CNTN5: variants seen among roughly 807,000 people sequenced by gnomAD.
The protein encoded by CNTN5 is contactin-5.
Under a neutral mutation model 129.1 loss-of-function variants are expected in CNTN5, and 77 were observed. That is an observed-to-expected ratio of 0.60 (90% confidence interval 0.50 to 0.72). The LOEUF is 0.72. CNTN5 is among the 30% of genes least tolerant of loss of function. The pLI is 0.00. For synonymous variants in CNTN5, 509 were observed against 465.6 expected (o/e 1.09, Z -1.20); for missense variants, 1,478 against 1,328.8 (o/e 1.11, Z -1.75).
In CNTN5 at chr11:99,846,183, A is replaced by G. The variant is rs537138049; in HGVS notation, c.577+921A>G. Among the ~76,000 whole-genome samples, 14 of 148,138 alleles carry G rather than the reference A, an allele frequency of 9.5e-5. No homozygotes were observed. In the South Asian group the frequency reaches 2.8e-3, roughly 30 times the overall value. On this transcript the variant is annotated intron_variant, in intron 6 of 24. Transcript: ENST00000524871. ...ACACGAATATAAACATTTCTAAAGT[A>G]GATAATACACCTGATTAAATGAAAA... is the stretch of plus-strand genomic sequence containing the variant.
chr11:100,184,125 T>C (rs527465894), intron 13 of CNTN5, among the ~76,000 whole-genome samples: 27 of 152,316 alleles, frequency 1.8e-4, no homozygotes, highest in Non-Finnish European at 3.5e-4. Context: ...CTGTGTTATT[T>C]CCTGGCACTC....
intron 1 of CNTN5, among the ~76,000 whole-genome samples, chr11:99,093,789 T>C (rs1866353041): frequency 6.6e-6 from 1 of 151,774 alleles, no homozygotes; most frequent in South Asian, 2.1e-4. Flanking sequence ...ATGAGGCGAG[T>C]TAGGGAAATG....
chr11:100,158,451 A>T (rs1335550832), intron 13 of CNTN5, among the ~76,000 whole-genome samples: 3 of 151,892 alleles, frequency 2.0e-5, no homozygotes, highest in African/African-American at 7.2e-5. Flanking sequence ...ATATATCAAA[A>T]CTTCATGTTG....
At chr11:99,485,368 A>G (rs1043413510) in intron 2 of CNTN5, among the ~76,000 whole-genome samples, 2 of 152,050 alleles carry the variant, frequency 1.3e-5, no homozygotes, top group African/African-American at 4.8e-5. Flanking sequence ...ATGTGTCATT[A>G]TATATTTTTC....
chr11:99,201,359 C>CTTCCTTCT (rs1859187117), intron 1 of CNTN5, among the ~76,000 whole-genome samples: 1 of 144,056 alleles, frequency 6.9e-6, no homozygotes, highest in African/African-American at 2.6e-5. Context: ...CCTTTCCTTC[C>CTTCCTTCT]TTCCTTCCTT....
intron 3 of CNTN5, among the ~76,000 whole-genome samples, chr11:99,641,474 G>A (rs1951768084): frequency 6.6e-6 from 1 of 152,142 alleles, no homozygotes; most frequent in Non-Finnish European, 1.5e-5. Context: ...TGGGACTGAA[G>A]ACAGAGGGAT....
intron 9 of CNTN5, among the ~76,000 whole-genome samples, chr11:100,036,532 G>A (rs1942021314): frequency 6.8e-6 from 1 of 146,084 alleles, no homozygotes; most frequent in Non-Finnish European, 1.5e-5. Flanking sequence ...GATGGGGATG[G>A]CATTGAATCT....
At chr11:99,143,537 T>TC (rs11392502) in intron 1 of CNTN5, among the ~76,000 whole-genome samples, 151,897 of 151,900 alleles carry the variant, frequency 1, 75,947 homozygotes, top group Non-Finnish European at 1. Context: ...TTTCTTTCTC[T>TC]CCTGGCTCCC....
intron 3 of CNTN5, among the ~76,000 whole-genome samples, chr11:99,597,099 T>A (rs559911167): frequency 2.0e-5 from 3 of 152,154 alleles, no homozygotes; most frequent in Non-Finnish European, 4.4e-5. Flanking sequence ...AGTTAGGAAA[T>A]GGTTTCTGAT....
intron 3 of CNTN5, among the ~76,000 whole-genome samples, chr11:99,721,381 G>A (rs1018787053): frequency 6.6e-6 from 1 of 152,078 alleles, no homozygotes; most frequent in Admixed American, 6.6e-5. Context: ...AAGCAATGGG[G>A]AAAAGACCCC....
At chr11:100,268,624 C>T (rs1188471809) in intron 17 of CNTN5, among the ~76,000 whole-genome samples, 2 of 152,084 alleles carry the variant, frequency 1.3e-5, no homozygotes, top group Non-Finnish European at 2.9e-5. Flanking sequence ...TTGACAATAG[C>T]AGTTTTTATG....
At chr11:99,998,034 C>G (rs1565771734) in intron 8 of CNTN5, among the ~76,000 whole-genome samples, 2 of 152,094 alleles carry the variant, frequency 1.3e-5, no homozygotes, top group Non-Finnish European at 2.9e-5. Context: ...TATGACAAAC[C>G]CACAGCCAAT....
In CNTN5 at chr11:100,224,715, G is replaced by A; in HGVS notation, c.1908G>A (p.Met636Ile). 6.2e-7 allele frequency: 1 copy of A among 1,612,134 alleles called. No homozygotes were observed. Among genetic ancestry groups the A allele is most frequent in the Non-Finnish European group, 8.5e-7 (1 of 1,178,542 alleles). The change falls in exon 16 of 25, where the codon ATG (methionine) becomes ATA (isoleucine). Residue 636 changes from methionine to isoleucine, a missense_variant. By Grantham distance (10) the Met-to-Ile change is conservative. Coordinates refer to ENST00000524871, the MANE Select transcript of CNTN5 (RefSeq NM_014361.4). ...IRAQASSADL[M>I]IRNILLMHAG... ...AGCAAGCATCCTCTGCAGATTTAATGATCAGGAACATCCTTCTGATGCATG... is the reference window on the plus strand; with the variant it reads ...AGCAAGCATCCTCTGCAGATTTAATAATCAGGAACATCCTTCTGATGCATG...
intron 13 of CNTN5, among the ~76,000 whole-genome samples, chr11:100,168,914 G>GA (rs1353574120): frequency 3.3e-5 from 5 of 151,166 alleles, no homozygotes; most frequent in African/African-American, 1.2e-4. Flanking sequence ...GGAGTTGGAA[G>GA]AATTTGATTC....
At chr11:100,001,023 G>T (rs955164746) in intron 8 of CNTN5, among the ~76,000 whole-genome samples, 1 of 152,216 alleles carries the variant, frequency 6.6e-6, no homozygotes, top group South Asian at 2.1e-4. Flanking sequence ...GGCCTGTGAT[G>T]AGAGGGGCTG....
intron 16 of CNTN5, among the ~76,000 whole-genome samples, chr11:100,249,631 G>A (rs1331508796): frequency 6.6e-6 from 1 of 152,046 alleles, no homozygotes; most frequent in Non-Finnish European, 1.5e-5. Flanking sequence ...GTATCATCTG[G>A]ACTGTCACAC....
intron 1 of CNTN5, among the ~76,000 whole-genome samples, chr11:99,144,966 T>G (rs1859705479): frequency 6.6e-6 from 1 of 152,166 alleles, no homozygotes; most frequent in Non-Finnish European, 1.5e-5. Context: ...GGTGTCATGT[T>G]TTCTTGCTTT....
intron 13 of CNTN5, among the ~76,000 whole-genome samples, chr11:100,152,147 T>C (rs1015240576): frequency 6.6e-6 from 1 of 152,186 alleles, no homozygotes; most frequent in African/African-American, 2.4e-5. Context: ...GCCTGAATTG[T>C]TGTGACTTCT....
chr11:99,994,826 G>A lies in CNTN5; in HGVS notation c.878-7208G>A, dbSNP rs143623113. ...AAACTTCACATCATTAGAAACATTC[G>A]GCTGAGTTTATAGGTATCACCAGCA... On this transcript the variant is annotated intron_variant, in intron 8 of 24. Transcript: ENST00000524871. Among the ~76,000 whole-genome samples the A allele has an allele frequency of 1.2e-3, 186 of 152,146 alleles. 2 individuals carry two copies. The highest frequency in any genetic ancestry group is 3.4e-3 in the African/African-American group (143 of 41,510).
Sources: allele counts gnomAD v4.1 joint callset (sites outside exome capture counted in the v4.1 genomes callset), GRCh38; gene constraint gnomAD v4.1.1; transcripts MANE v1.5; gene names NCBI Gene and HGNC (gene_info 2026-07-23, HGNC 2026-07-21).